CSMD1: variants seen among roughly 807,000 people sequenced by gnomAD.
The protein encoded by CSMD1 is CUB and Sushi multiple domains 1, also known as CUB and sushi domain-containing protein 1.
CSMD1 carries 213 observed loss-of-function variants against 417.5 expected under a neutral mutation model. The observed-to-expected ratio is 0.51, with a 90% CI of 0.46 to 0.57. The LOEUF (loss-of-function observed/expected upper bound fraction) is 0.57, where lower values mean the gene tolerates loss of function less well. Among genes scored for constraint, CSMD1 ranks in the 20% least tolerant of loss-of-function variants. CSMD1 has a pLI of 0.00. For synonymous variants in CSMD1, 2,862 were observed against 1,736.8 expected (o/e 1.65, Z -16.11); for missense variants, 6,923 against 4,529.7 (o/e 1.53, Z -15.17).
intron 69 of CSMD1, 80 bp downstream of exon 69, chr8:2,942,392 G>A: frequency 5.9e-6 from 7 of 1,196,338 alleles, no homozygotes; most frequent in Non-Finnish European, 8.2e-6. Flanking sequence ...ATGTGCATGT[G>A]AGCACGAGAG....
chr8:2,959,745 G>C (rs1803300321), intron 62 of CSMD1, among the ~76,000 whole-genome samples: 1 of 152,078 alleles, frequency 6.6e-6, no homozygotes, highest in Non-Finnish European at 1.5e-5. Context: ...TAAGGTTTCA[G>C]CATATGGTGC....
At chr8:4,324,664 C>G (rs1325814146) in intron 3 of CSMD1, among the ~76,000 whole-genome samples, 1 of 152,186 alleles carries the variant, frequency 6.6e-6, no homozygotes, top group Non-Finnish European at 1.5e-5. Flanking sequence ...CCTGGAAGAT[C>G]CAGCTCAGAG....
intron 1 of CSMD1, among the ~76,000 whole-genome samples, chr8:4,983,440 G>T (rs759281070): frequency 3.9e-5 from 6 of 152,216 alleles, no homozygotes; most frequent in Non-Finnish European, 8.8e-5. Flanking sequence ...ACTTGCAAGA[G>T]TGCCCTTCAG....
intron 1 of CSMD1, among the ~76,000 whole-genome samples, chr8:4,862,470 G>A (rs1802195051): frequency 6.6e-6 from 1 of 152,098 alleles, no homozygotes; most frequent in Non-Finnish European, 1.5e-5. Flanking sequence ...AAAGTAAAAA[G>A]AATGGTTAAA....
intron 1 of CSMD1, among the ~76,000 whole-genome samples, chr8:4,971,793 T>C (rs1209069171): frequency 6.6e-6 from 1 of 152,000 alleles, no homozygotes; most frequent in African/African-American, 2.4e-5. Flanking sequence ...TTCTCATTAT[T>C]ATAAGTAGAA....
chr8:3,413,587 T>A (rs184488909), intron 12 of CSMD1, among the ~76,000 whole-genome samples: 263 of 152,330 alleles, frequency 1.7e-3, no homozygotes, highest in Middle Eastern at 3.4e-3. Context: ...TAAGCATGTT[T>A]CATGATTATG....
intron 3 of CSMD1, among the ~76,000 whole-genome samples, chr8:4,140,724 G>A (rs999739583): frequency 6.6e-6 from 1 of 150,852 alleles, no homozygotes. Flanking sequence ...TGGACAATCT[G>A]TAAGTCTTCC....
intron 1 of CSMD1, among the ~76,000 whole-genome samples, chr8:4,715,587 C>A (rs899831016): frequency 2.0e-5 from 3 of 152,154 alleles, no homozygotes; most frequent in Admixed American, 6.5e-5. Context: ...GGATGCCTCA[C>A]TGACATCCAA....
chr8:3,085,661 G>C (rs987988432), intron 49 of CSMD1, among the ~76,000 whole-genome samples: 3 of 152,148 alleles, frequency 2.0e-5, no homozygotes, highest in Admixed American at 6.5e-5. Flanking sequence ...AGTTCTGCTG[G>C]GGTGTGGGGA....
chr8:4,776,387 C>G (rs974491613), intron 1 of CSMD1, among the ~76,000 whole-genome samples: 1 of 152,064 alleles, frequency 6.6e-6, no homozygotes. Flanking sequence ...ATCTACTATA[C>G]GTTAACTCAG....
intron 3 of CSMD1, among the ~76,000 whole-genome samples, chr8:4,357,937 C>G (rs576347694): frequency 4.6e-5 from 7 of 151,720 alleles, no homozygotes; most frequent in Non-Finnish European, 1.0e-4. Context: ...AATTAAAAGC[C>G]CATTGCTAGT....
chr8:3,636,624 C>CA (rs1797063279), intron 7 of CSMD1, among the ~76,000 whole-genome samples: 1 of 152,130 alleles, frequency 6.6e-6, no homozygotes, highest in Non-Finnish European at 1.5e-5. Context: ...TGTTTTCTCC[C>CA]ACCCTACAAA....
chr8:3,833,839 G>T (rs1017409796), intron 5 of CSMD1, among the ~76,000 whole-genome samples: 1 of 152,008 alleles, frequency 6.6e-6, no homozygotes, highest in Admixed American at 6.6e-5. Flanking sequence ...AATATAAGAC[G>T]TTTTTCTTTA....
intron 3 of CSMD1, among the ~76,000 whole-genome samples, chr8:4,267,505 G>A (rs569282186): frequency 1.1e-4 from 16 of 151,566 alleles, no homozygotes; most frequent in African/African-American, 3.1e-4. Flanking sequence ...ATATCTAAAC[G>A]CAGTAAGTAT....
chr8:4,107,333 C>A (rs1264377497), intron 3 of CSMD1, among the ~76,000 whole-genome samples: 1 of 152,160 alleles, frequency 6.6e-6, no homozygotes, highest in Non-Finnish European at 1.5e-5. Flanking sequence ...GATTTCCATT[C>A]AGGAATAAAG....
intron 6 of CSMD1, among the ~76,000 whole-genome samples, chr8:3,729,052 T>G (rs1036099524): frequency 5.3e-5 from 8 of 152,172 alleles, no homozygotes; most frequent in African/African-American, 1.9e-4. Flanking sequence ...TAATCCAAAG[T>G]CTGGCCGTAA....
intron 3 of CSMD1, among the ~76,000 whole-genome samples, chr8:4,094,682 C>T (rs779819567): frequency 1.3e-5 from 2 of 152,100 alleles, no homozygotes; most frequent in Admixed American, 6.5e-5. Context: ...CATTTACAGA[C>T]GGAGAGGAAA....
At position 2,935,586 on chromosome 8, in the gene CSMD1, AT is replaced by A. The variant is rs1563161125; in HGVS notation, c.*2998del. On this transcript the variant is annotated 3_prime_UTR_variant, in exon 70 of 70. Coordinates refer to ENST00000635120, the MANE Select transcript of CSMD1 (RefSeq NM_033225.6). ...AATTACAGTTCTGTATTGTAAAAAC[AT>A]TTATTTTTTAACAATGTACCTACAT... 6.6e-6 allele frequency: 1 copy of A among 152,252 alleles called. No homozygotes were observed. Among genetic ancestry groups the A allele is most frequent in the Non-Finnish European group, 1.5e-5 (1 of 68,046 alleles). The allele number at this position is 152,252 out of a possible 1,614,324, so 9.4% of individuals were successfully genotyped here.
chr8:3,654,516 T>A (rs1798008560), intron 7 of CSMD1, among the ~76,000 whole-genome samples: 1 of 152,064 alleles, frequency 6.6e-6, no homozygotes, highest in Non-Finnish European at 1.5e-5. Context: ...ATCCACACTG[T>A]TAGGAGAACT....
Sources: allele counts gnomAD v4.1 joint callset (sites outside exome capture counted in the v4.1 genomes callset), GRCh38; gene constraint gnomAD v4.1.1; transcripts MANE v1.5; gene names NCBI Gene and HGNC (gene_info 2026-07-23, HGNC 2026-07-21).